Variants in CDC25C observed in about 807,000 individuals in gnomAD.
CDC25C encodes M-phase inducer phosphatase 3.
CDC25C carries 48 observed loss-of-function variants against 52.5 expected under a neutral mutation model. The ratio of observed to expected loss-of-function variants is 0.91; its 90% CI spans 0.72 to 1.16. CDC25C has a LOEUF of 1.16. CDC25C is among the 50% of genes most tolerant of loss of function. The probability of loss-of-function intolerance (pLI) is 0.00; values close to 1 mark genes in which losing one functional copy is unlikely to be tolerated. For synonymous variants in CDC25C, 187 were observed against 206.5 expected (o/e 0.91, Z 0.81); for missense variants, 510 against 566.1 (o/e 0.90, Z 1.01).
intron 7 of CDC25C, among the ~76,000 whole-genome samples, chr5:138,305,587 G>T (rs1397048018): frequency 6.6e-6 from 1 of 151,962 alleles, no homozygotes; most frequent in Non-Finnish European, 1.5e-5. Flanking sequence ...TTTTTGTAGC[G>T]ATGGGGGCTT....
At chr5:138,305,595 C>T (rs1406410563) in intron 7 of CDC25C, among the ~76,000 whole-genome samples, 3 of 152,074 alleles carry the variant, frequency 2.0e-5, no homozygotes, top group Non-Finnish European at 4.4e-5. Context: ...GCGATGGGGG[C>T]TTACTGTGTT....
chr5:138,313,995 C>CTTTCTTTCTTTCTTTCTTTCTTT (rs1554117939), intron 7 of CDC25C, among the ~76,000 whole-genome samples: 1 of 112,676 alleles, frequency 8.9e-6, no homozygotes, highest in Non-Finnish European at 1.8e-5. Context: ...TTCTTTCTTT[C>CTTTCTTTCTTTCTTTCTTTCTTT]TTTTTTTTTT....
At chr5:138,291,854 A>G in intron 8 of CDC25C, 116 bp downstream of exon 8, 1 of 703,338 alleles carries the variant, frequency 1.4e-6, no homozygotes. Context: ...CAAAGAGGAA[A>G]AAGTAAAAGT....
At chr5:138,310,085 GA>G (rs1758327929) in intron 7 of CDC25C, among the ~76,000 whole-genome samples, 1 of 152,108 alleles carries the variant, frequency 6.6e-6, no homozygotes, top group Non-Finnish European at 1.5e-5. Flanking sequence ...TTACTTTACT[GA>G]GTCCACCTAA....
chr5:138,287,970 G>A lies in CDC25C; in HGVS notation c.928-703C>T, dbSNP rs577258690. On this transcript the variant is annotated intron_variant, in intron 10 of 13. Transcript: ENST00000323760. ...ATTGTACATGTCAGTAGAATAGAGCGGCATTATATAGCCATTAAAATGATA... is the reference window on the plus strand; with the variant it reads ...ATTGTACATGTCAGTAGAATAGAGCAGCATTATATAGCCATTAAAATGATA... Among the ~76,000 whole-genome samples the A allele has an allele frequency of 2.6e-5, 4 of 152,244 alleles. No individual in the cohort carries two copies. The East Asian group carries it at 5.8e-4, about 22-fold the overall frequency.
chr5:138,330,219 C>A (rs1760250024), intron 2 of CDC25C, among the ~76,000 whole-genome samples: 1 of 151,502 alleles, frequency 6.6e-6, no homozygotes, highest in South Asian at 2.1e-4. Flanking sequence ...AAATGAGGCC[C>A]AGAGTTTATT....
At chr5:138,307,724 G>C (rs1758130066) in intron 7 of CDC25C, among the ~76,000 whole-genome samples, 1 of 152,096 alleles carries the variant, frequency 6.6e-6, no homozygotes, top group African/African-American at 2.4e-5. Context: ...TCAAGAGTTT[G>C]AGATCAGCCT....
At chr5:138,299,258 G>A (rs1321381189) in intron 7 of CDC25C, among the ~76,000 whole-genome samples, 15 of 150,316 alleles carry the variant, frequency 1.0e-4, no homozygotes, top group African/African-American at 3.7e-4. Flanking sequence ...CACTCTGGGA[G>A]GCTGAGGCGG....
intron 4 of CDC25C, among the ~76,000 whole-genome samples, chr5:138,328,235 G>A (rs552118111): frequency 2.0e-4 from 31 of 152,302 alleles, no homozygotes; most frequent in African/African-American, 5.1e-4. Flanking sequence ...CATAAGTGTA[G>A]TATACCATTT....
chr5:138,289,691 C>A (rs1756550122), intron 9 of CDC25C, 128 bp from the exon 10 acceptor site: 1 of 680,872 alleles, frequency 1.5e-6, no homozygotes, highest in East Asian at 2.7e-5. Context: ...AAATCAGTGT[C>A]TCTATAAAGT....
At chr5:138,299,224 A>T (rs535740788) in intron 7 of CDC25C, among the ~76,000 whole-genome samples, 1 of 127,068 alleles carries the variant, frequency 7.9e-6, no homozygotes, top group Non-Finnish European at 1.7e-5. Flanking sequence ...GGCCAGGCAC[A>T]GTGGCTCATG....
intron 6 of CDC25C, among the ~76,000 whole-genome samples, chr5:138,320,888 C>A (rs1759315572): frequency 8.1e-6 from 1 of 123,564 alleles, no homozygotes; most frequent in South Asian, 2.7e-4. Context: ...TGCACTCCAG[C>A]CTGGGTGACA....
intron 7 of CDC25C, among the ~76,000 whole-genome samples, 163 bp from the exon 8 acceptor site, chr5:138,292,279 G>A (rs1323893238): frequency 6.6e-6 from 1 of 152,070 alleles, no homozygotes; most frequent in African/African-American, 2.4e-5. Context: ...AAGATGCCCA[G>A]GTGATTTCTC....
chr5:138,327,288 C>T (rs1247400209), intron 4 of CDC25C, among the ~76,000 whole-genome samples: 1 of 147,022 alleles, frequency 6.8e-6, no homozygotes, highest in African/African-American at 2.5e-5. Context: ...ATCCTCCCTC[C>T]ATGGATTTCA....
At position 138,285,744 on chromosome 5, in the gene CDC25C, TCC is replaced by T; in HGVS notation, c.1368_1369del (p.Glu457AlafsTer70). 1 of 1,614,198 alleles carries T rather than the reference TCC, an allele frequency of 6.2e-7. No homozygotes were observed. On this transcript the variant is annotated frameshift_variant, in exon 14 of 14. Coordinates refer to ENST00000323760, the MANE Select transcript of CDC25C (RefSeq NM_001790.5). LOFTEE classifies it high-confidence loss of function. ...GGCAATCTGCTCCCGCAGCTGCCGC[TCC>T]CCTTCCTGCACTTTGCTCTGGCTTC...
At chr5:138,338,285 C>G (rs902421449) in exon 1 of CDC25C, 11 of 839,652 alleles carry the variant, frequency 1.3e-5, no homozygotes, top group Non-Finnish European at 1.9e-5. Context: ...CCGGCCGCGG[C>G]CCTGGGAGCT....
chr5:138,290,415 G>C (rs1756611016), intron 9 of CDC25C, among the ~76,000 whole-genome samples: 1 of 152,066 alleles, frequency 6.6e-6, no homozygotes, highest in Non-Finnish European at 1.5e-5. Context: ...ACAGAAAAAA[G>C]GTAAAAAGTC....
rs377221206 is a variant in CDC25C, at chr5:138,286,012, C to T, written c.1272+10G>A. 1.7e-5 allele frequency: 28 copies of T among 1,603,228 alleles called. No homozygotes were observed. The African/African-American group carries it at 3.6e-4, about 21-fold the overall frequency. ...TTAAAGTTTGGCTCCCCGCATGCCC[C>T]ACCCTTTACCATATATTCTGGAAAG... On this transcript the variant is annotated intron_variant, in intron 13 of 13. Transcript: ENST00000323760.
chr5:138,321,412 C>T (rs927937696), intron 6 of CDC25C, among the ~76,000 whole-genome samples: 3 of 152,038 alleles, frequency 2.0e-5, no homozygotes, highest in South Asian at 2.1e-4. Context: ...ATTGAACATA[C>T]TCCAGGTCTT....
Sources: gnomAD v4.1 joint callset for allele counts (sites outside exome capture counted in the v4.1 genomes callset) on GRCh38, gnomAD v4.1.1 for gene constraint, MANE v1.5 for transcripts, NCBI Gene and HGNC (gene_info 2026-07-23, HGNC 2026-07-21) for gene names.